The following RASAL2 variants were observed in gnomAD, a reference collection of about 807,000 sequenced individuals.
The protein encoded by RASAL2 is ras GTPase-activating protein nGAP.
In RASAL2, 58 loss-of-function variants were observed where a neutral mutation model predicts 128.9. That is an observed-to-expected ratio of 0.45 (90% CI 0.36 to 0.56). The LOEUF (loss-of-function observed/expected upper bound fraction) is 0.56, where lower values mean the gene tolerates loss of function less well. Ranked by LOEUF, RASAL2 falls within the 20% of genes least tolerant of loss-of-function variation. The probability of loss-of-function intolerance (pLI) is 0.00; values close to 1 mark genes in which losing one functional copy is unlikely to be tolerated. For synonymous variants in RASAL2, 561 were observed against 580.8 expected (o/e 0.97, Z 0.49); for missense variants, 1,360 against 1,601.6 (o/e 0.85, Z 2.57).
intron 17 of RASAL2, among the ~76,000 whole-genome samples, chr1:178,472,851 A>G (rs915834390): frequency 5.3e-5 from 8 of 152,208 alleles, no homozygotes; most frequent in African/African-American, 1.9e-4. Context: ...AAGTCCTGCT[A>G]TGCTGAAAGA....
intron 1 of RASAL2, among the ~76,000 whole-genome samples, chr1:178,242,544 C>T (rs1233182968): frequency 6.6e-6 from 1 of 150,582 alleles, no homozygotes; most frequent in Admixed American, 6.7e-5. Flanking sequence ...CCTCCACCCT[C>T]GGCTTCTTAA....
chr1:178,272,944 A>T (rs1161230538), intron 1 of RASAL2, among the ~76,000 whole-genome samples: 1 of 152,178 alleles, frequency 6.6e-6, no homozygotes, highest in African/African-American at 2.4e-5. Context: ...AAAAAAAAAA[A>T]ATCCAAATAT....
At chr1:178,461,808 A>G (rs778283901) in intron 14 of RASAL2, among the ~76,000 whole-genome samples, 22 of 152,218 alleles carry the variant, frequency 1.4e-4, no homozygotes, top group Non-Finnish European at 2.6e-4. Context: ...ATTTATGGGA[A>G]TCCGACTATT....
intron 3 of RASAL2, chr1:178,372,231 T>C (rs1252156816): frequency 1.0e-6 from 1 of 985,300 alleles, no homozygotes; most frequent in Non-Finnish European, 1.2e-6. Context: ...AAAAGTTTTC[T>C]GGCTGGAGAA....
chr1:178,218,437 A>G (rs1398021398), intron 1 of RASAL2, among the ~76,000 whole-genome samples: 1 of 152,210 alleles, frequency 6.6e-6, no homozygotes, highest in Non-Finnish European at 1.5e-5. Context: ...CTGTAATCCC[A>G]GCACTTTGGA....
chr1:178,224,445 AC>A (rs1663720234), intron 1 of RASAL2, among the ~76,000 whole-genome samples: 1 of 152,090 alleles, frequency 6.6e-6, no homozygotes, highest in South Asian at 2.1e-4. Flanking sequence ...GGTAGTTTTC[AC>A]TGCAGGAAGT....
intron 2 of RASAL2, among the ~76,000 whole-genome samples, chr1:178,297,819 T>C (rs1557885011): frequency 6.6e-6 from 1 of 152,032 alleles, no homozygotes; most frequent in Non-Finnish European, 1.5e-5. Flanking sequence ...TAGGCCCAAA[T>C]AAAAAATATT....
At chr1:178,206,069 C>T (rs1663034667) in intron 1 of RASAL2, among the ~76,000 whole-genome samples, 1 of 152,092 alleles carries the variant, frequency 6.6e-6, no homozygotes, top group South Asian at 2.1e-4. Flanking sequence ...GTCCTTTGCC[C>T]TTCTCTTAAA....
rs758825215 is a variant in RASAL2, at chr1:178,456,914, A to G, written c.2390+15A>G. 1.9e-5 allele frequency: 31 copies of G among 1,606,068 alleles called. No individual in the cohort carries two copies. In the East Asian group the frequency reaches 6.2e-4, roughly 32 times the overall value. On this transcript the variant is annotated intron_variant, in intron 13 of 17. Transcript: ENST00000367649. ...CCCACTGACAGGTATGAAAGAGAGA[A>G]TTTGACCACTATCTCGGAGAAACAT...
At chr1:178,244,465 ACTC>A (rs913337432) in intron 1 of RASAL2, among the ~76,000 whole-genome samples, 36 of 150,940 alleles carry the variant, frequency 2.4e-4, no homozygotes, top group African/African-American at 8.3e-4. Flanking sequence ...CTGGTCTTGA[ACTC>A]CTGACCTTGT....
At chr1:178,104,314 A>G (rs942371019) in intron 1 of RASAL2, among the ~76,000 whole-genome samples, 2 of 152,092 alleles carry the variant, frequency 1.3e-5, no homozygotes, top group African/African-American at 4.8e-5. Context: ...AAGATTTTCT[A>G]TTCTGTTCTA....
At chr1:178,326,938 G>A (rs1043133617) in intron 3 of RASAL2, among the ~76,000 whole-genome samples, 3 of 151,934 alleles carry the variant, frequency 2.0e-5, no homozygotes, top group Admixed American at 6.6e-5. Flanking sequence ...GTGATGATTC[G>A]TTCTTTCTGG....
intron 1 of RASAL2, among the ~76,000 whole-genome samples, chr1:178,245,638 A>G (rs1664735644): frequency 1.5e-5 from 2 of 134,812 alleles, no homozygotes; most frequent in Admixed American, 1.5e-4. Context: ...TTAGTCATGA[A>G]GTCTTTGCCT....
chr1:178,296,113 GTGTATATATA>G (rs1667492827), intron 2 of RASAL2, among the ~76,000 whole-genome samples: 2 of 108,668 alleles, frequency 1.8e-5, no homozygotes, highest in African/African-American at 8.2e-5. Context: ...GTATATATGT[GTGTATATATA>G]TGTGTATATA....
At chr1:178,242,116 G>C (rs574944633) in intron 1 of RASAL2, among the ~76,000 whole-genome samples, 26 of 152,270 alleles carry the variant, frequency 1.7e-4, no homozygotes, top group African/African-American at 6.0e-4. Flanking sequence ...TGACATCACA[G>C]TTTATTTTTA....
intron 5 of RASAL2, among the ~76,000 whole-genome samples, chr1:178,438,815 T>C (rs1468237026): frequency 6.6e-6 from 1 of 151,818 alleles, no homozygotes; most frequent in East Asian, 1.9e-4. Flanking sequence ...AAAAGAATTC[T>C]ATATTGAGAT....
intron 1 of RASAL2, among the ~76,000 whole-genome samples, chr1:178,156,798 C>T (rs1014453132): frequency 1.3e-5 from 2 of 152,032 alleles, no homozygotes; most frequent in Admixed American, 1.3e-4. Context: ...TGTTAAAAGC[C>T]TGATACAGTG....
At chr1:178,150,572 G>C (rs1660877850) in intron 1 of RASAL2, among the ~76,000 whole-genome samples, 1 of 152,086 alleles carries the variant, frequency 6.6e-6, no homozygotes, top group Non-Finnish European at 1.5e-5. Flanking sequence ...CATTGATGTG[G>C]ACTTTAGGAA....
intron 1 of RASAL2, among the ~76,000 whole-genome samples, chr1:178,247,799 G>A (rs1369480945): frequency 2.0e-5 from 3 of 151,948 alleles, no homozygotes; most frequent in Non-Finnish European, 1.5e-5. Context: ...AAAGAACTTC[G>A]TTATCTCTAC....
Sources: allele counts gnomAD v4.1 joint callset (sites outside exome capture counted in the v4.1 genomes callset), GRCh38; gene constraint gnomAD v4.1.1; transcripts MANE v1.5; gene names NCBI Gene and HGNC (gene_info 2026-07-23, HGNC 2026-07-21).